The following MAP2 variants were observed in gnomAD, a reference collection of about 807,000 sequenced individuals.
MAP2 encodes the protein microtubule associated protein 2, also known as microtubule-associated protein 2.
A neutral mutation model predicts 137.6 loss-of-function variants in MAP2; 14 were observed. The ratio of observed to expected loss-of-function variants is 0.10; its 90% CI spans 0.07 to 0.16. The LOEUF is 0.16. Ranked by LOEUF, MAP2 falls within the 10% of genes least tolerant of loss-of-function variation. The pLI, the probability that MAP2 is intolerant of heterozygous loss-of-function variation, is 1.00. For missense variants in MAP2, 2,088 were observed against 2,191.5 expected (o/e 0.95, Z 0.94); for synonymous variants, 786 against 782.3 (o/e 1.00, Z -0.08).
In MAP2 at chr2:209,443,652, C is replaced by T. The variant is rs575538532; in HGVS notation, c.-222+19376C>T. Among the ~76,000 whole-genome samples the T allele has an allele frequency of 5.9e-5, 9 of 151,718 alleles. No individual in the cohort carries two copies. In the South Asian group the frequency reaches 6.2e-4, roughly 10 times the overall value. ...AGACTCAACCTCAGTTTCTTCACTT[C>T]GGCCATGGGGATAGTTTATTTCCCA... On this transcript the variant is annotated intron_variant, in intron 1 of 15. Transcript: ENST00000682079.
At chr2:209,502,699 C>T (rs950308827) in intron 1 of MAP2, among the ~76,000 whole-genome samples, 4 of 152,146 alleles carry the variant, frequency 2.6e-5, no homozygotes, top group Non-Finnish European at 4.4e-5. Flanking sequence ...ATTTACATTC[C>T]CATCAACAGT....
intron 2 of MAP2, among the ~76,000 whole-genome samples, chr2:209,551,739 G>A (rs1359304920): frequency 1.3e-5 from 2 of 152,016 alleles, no homozygotes; most frequent in African/African-American, 4.8e-5. Flanking sequence ...TCCTTTCTGG[G>A]GAAACCAGAG....
intron 1 of MAP2, among the ~76,000 whole-genome samples, chr2:209,431,489 C>T (rs1361138034): frequency 3.3e-5 from 5 of 152,238 alleles, no homozygotes; most frequent in African/African-American, 1.2e-4. Flanking sequence ...GGCATCAATT[C>T]TCAAGACTTG....
intron 3 of MAP2, among the ~76,000 whole-genome samples, chr2:209,612,253 A>AG (rs1352413540): frequency 2.0e-5 from 3 of 152,326 alleles, no homozygotes; most frequent in South Asian, 2.1e-4. Context: ...TATTCATAAA[A>AG]TATTTCGAGA....
intron 2 of MAP2, among the ~76,000 whole-genome samples, chr2:209,550,443 A>G (rs1414364990): frequency 6.6e-6 from 1 of 152,194 alleles, no homozygotes; most frequent in African/African-American, 2.4e-5. Flanking sequence ...AAAGCTAATT[A>G]AAAGACTCAA....
intron 14 of MAP2, among the ~76,000 whole-genome samples, chr2:209,727,709 C>T (rs958381129): frequency 5.9e-5 from 9 of 152,126 alleles, no homozygotes; most frequent in Non-Finnish European, 1.2e-4. Context: ...TTCTCAACTT[C>T]ATTTATAAAG....
At chr2:209,696,393 C>G in intron 8 of MAP2, 43 bp downstream of exon 8, 1 of 1,519,606 alleles carries the variant, frequency 6.6e-7, no homozygotes, top group East Asian at 2.3e-5. Flanking sequence ...AACACAATAA[C>G]CTTATGGGAA....
chr2:209,579,993 C>CATATATATATATATAT (rs3036661), intron 2 of MAP2, 43 bp from the exon 3 acceptor site: 4 of 145,610 alleles, frequency 2.7e-5, no homozygotes, highest in African/African-American at 1.0e-4. Flanking sequence ...TTAACAAATC[C>CATATATATATATATAT]ATATATATAT....
rs149033530 is a variant in MAP2, at chr2:209,697,040, G to A, written c.4511G>A (p.Arg1504Gln). Residue 1504 changes from arginine (R) to glutamine (Q), a missense_variant, in exon 10 of 16, where the codon CGG becomes CAG. Physicochemically the swap from Arg to Gln is conservative, Grantham distance 43 (BLOSUM62 1). Coordinates refer to ENST00000682079, the MANE Select transcript of MAP2 (RefSeq NM_001375505.1). ...TRPTHLSCVK[R>Q]KTTAAGGESA... ...CCAACTCATCTCTCCTGTGTTAAGCGGAAAACCACAGGTGACTGTTCAATT... is the reference window on the plus strand; with the variant it reads ...CCAACTCATCTCTCCTGTGTTAAGCAGAAAACCACAGGTGACTGTTCAATT... The A allele has an allele frequency of 2.8e-5, 44 of 1,597,310 alleles. No individual in the cohort carries two copies. The African/African-American group carries it at 5.3e-4, about 19-fold the overall frequency.
At chr2:209,472,877 G>C (rs1706136091) in intron 1 of MAP2, among the ~76,000 whole-genome samples, 2 of 152,154 alleles carry the variant, frequency 1.3e-5, no homozygotes, top group South Asian at 4.1e-4. Context: ...AGATCTTCTA[G>C]TCAAGTCTGT....
intron 2 of MAP2, among the ~76,000 whole-genome samples, chr2:209,521,560 A>C (rs288054): frequency 0.46 from 68,335 of 149,332 alleles, 16,440 homozygotes; most frequent in African/African-American, 0.63. Context: ...AATCTTATTT[A>C]AAAAAAAAAA....
At position 209,640,295 on chromosome 2, in the gene MAP2, T is replaced by C. The variant is rs913762002; in HGVS notation, c.-29-12847T>C. Among the ~76,000 whole-genome samples the C allele has an allele frequency of 4.6e-5, 7 of 152,160 alleles. No individual in the cohort carries two copies. In the East Asian group the frequency reaches 1.3e-3, roughly 29 times the overall value. On this transcript the variant is annotated intron_variant, in intron 4 of 15. Coordinates refer to ENST00000682079, the MANE Select transcript of MAP2 (RefSeq NM_001375505.1). ...AGGGCTATATATTTTTTTCTAGTAT[T>C]CCCAGTGTGTTCCTACTACTTGATA...
intron 5 of MAP2, among the ~76,000 whole-genome samples, chr2:209,660,860 G>C (rs2043232129): frequency 6.9e-6 from 1 of 144,112 alleles, no homozygotes; most frequent in Non-Finnish European, 1.5e-5. Context: ...TCAGCCTCCC[G>C]AGTAACTGGG....
intron 3 of MAP2, among the ~76,000 whole-genome samples, chr2:209,600,929 G>C (rs576728684): frequency 6.6e-6 from 1 of 152,240 alleles, no homozygotes; most frequent in African/African-American, 2.4e-5. Flanking sequence ...ACAGATTCTT[G>C]CTCAGTTTTT....
chr2:209,653,302 C>T lies in MAP2; in HGVS notation c.132C>T (p.Ser44=), dbSNP rs143419670. The part of the protein sequence containing the change: ...QGGAGEGLVR[S]ANGFPYREDE... ...GAGCAGGGGAAGGACTTGTCCGAAG[C>T]GCCAATGGATTCCCATACAGGGAGG... Residue 44 remains serine, a synonymous_variant, in exon 5 of 16, where the codon AGC becomes AGT. Transcript: ENST00000682079. 7.5e-5 allele frequency: 121 copies of T among 1,614,114 alleles called. 2 individuals are homozygous for T. In the African/African-American group the frequency reaches 1.2e-3, roughly 16 times the overall value.
At chr2:209,480,523 T>C (rs529903652) in intron 1 of MAP2, among the ~76,000 whole-genome samples, 15 of 142,708 alleles carry the variant, frequency 1.1e-4, no homozygotes, top group Admixed American at 2.2e-4. Flanking sequence ...TAACTTGCAA[T>C]TAAGATGATC....
chr2:209,536,062 A>G (rs1193466140), intron 2 of MAP2, among the ~76,000 whole-genome samples: 1 of 152,256 alleles, frequency 6.6e-6, no homozygotes, highest in Admixed American at 6.5e-5. Context: ...CAAATAAAAT[A>G]AAATAAATTG....
intron 2 of MAP2, among the ~76,000 whole-genome samples, chr2:209,552,873 A>G (rs2069524253): frequency 6.6e-6 from 1 of 152,174 alleles, no homozygotes; most frequent in Non-Finnish European, 1.5e-5. Flanking sequence ...AAAGAAAAGA[A>G]AAAAGAAAAA....
At chr2:209,483,780 A>T (rs1486381193) in intron 1 of MAP2, among the ~76,000 whole-genome samples, 1 of 152,196 alleles carries the variant, frequency 6.6e-6, no homozygotes, top group Middle Eastern at 3.2e-3. Context: ...TTTTCAAGTC[A>T]CATGAGCATC....
Sources: allele counts gnomAD v4.1 joint callset (sites outside exome capture counted in the v4.1 genomes callset), GRCh38; gene constraint gnomAD v4.1.1; transcripts MANE v1.5; gene names NCBI Gene and HGNC (gene_info 2026-07-23, HGNC 2026-07-21).